The following ANKRD30B variants were observed in gnomAD, a reference collection of about 807,000 sequenced individuals.
ANKRD30B encodes ankyrin repeat domain 30B.
In ANKRD30B, 144 loss-of-function variants were observed where a neutral mutation model predicts 202.2. The ratio of observed to expected loss-of-function variants is 0.71; its 90% CI spans 0.62 to 0.82. The LOEUF is 0.82. Ranked by LOEUF, ANKRD30B falls within the 40% of genes least tolerant of loss-of-function variation. The probability of loss-of-function intolerance (pLI) is 0.00; values close to 1 mark genes in which losing one functional copy is unlikely to be tolerated. For synonymous variants in ANKRD30B, 508 were observed against 561.3 expected (o/e 0.91, Z 1.34); for missense variants, 1,487 against 1,669.1 (o/e 0.89, Z 1.90).
At chr18:14,859,719 C>A in the ANKRD30B span, among the ~76,000 whole-genome samples, 3 of 10,274 alleles carry the variant, frequency 2.9e-4, no homozygotes, top group Admixed American at 1.9e-3. Flanking sequence ...AGAGGAACTC[C>A]TCACCTCCCA....
chr18:14,888,558 G>A, the ANKRD30B span, among the ~76,000 whole-genome samples: 10 of 151,848 alleles, frequency 6.6e-5, no homozygotes, highest in East Asian at 1.9e-3. Flanking sequence ...AAACATAAAT[G>A]CACAAGTCCA....
At chr18:14,861,638 A>G in the ANKRD30B span, among the ~76,000 whole-genome samples, 2 of 150,732 alleles carry the variant, frequency 1.3e-5, no homozygotes, top group African/African-American at 4.9e-5. Context: ...ATATTACTAG[A>G]CCTAAGAAAA....
At chr18:14,767,302 G>T (rs558321370) in intron 7 of ANKRD30B, among the ~76,000 whole-genome samples, 1 of 152,232 alleles carries the variant, frequency 6.6e-6, no homozygotes, top group Admixed American at 6.5e-5. Context: ...CCCGGTGAAT[G>T]TCTGAAACTG....
chr18:14,755,536 C>T (rs572347312), intron 4 of ANKRD30B, among the ~76,000 whole-genome samples: 1 of 152,144 alleles, frequency 6.6e-6, no homozygotes, highest in South Asian at 2.1e-4. Flanking sequence ...TCTCCTAATG[C>T]TATCCCTCCC....
chr18:14,896,082 TGGAGG>T, the ANKRD30B span, among the ~76,000 whole-genome samples: 2 of 152,064 alleles, frequency 1.3e-5, no homozygotes, highest in Admixed American at 1.3e-4. Context: ...ATATTTATAA[TGGAGG>T]AACTGTGGGG....
intron 14 of ANKRD30B, among the ~76,000 whole-genome samples, chr18:14,784,787 A>G (rs1311125401): frequency 6.6e-6 from 1 of 152,076 alleles, no homozygotes; most frequent in African/African-American, 2.4e-5. Flanking sequence ...AATGTTTTCT[A>G]TTTTGAACTT....
chr18:14,748,257 A>G lies in ANKRD30B; in HGVS notation c.-163A>G, dbSNP rs1242638238. 59 of 556,532 alleles carry G rather than the reference A, an allele frequency of 1.1e-4. 1 individual carries two copies. The Middle Eastern group carries it at 2.8e-3, about 27-fold the overall frequency. 34.5% of individuals were successfully genotyped at this position (556,532 alleles called of 1,614,324 possible). A position where few individuals can be genotyped will look rare whatever the true frequency, so the allele number is the denominator to read the frequency against. Reference sequence around the variant, plus strand: ...GGAGTGTTCAAGAGCTTGGCGATACAGAAATTTCTGCTGGTGTTGGGGCGG... The same window carrying G: ...GGAGTGTTCAAGAGCTTGGCGATACGGAAATTTCTGCTGGTGTTGGGGCGG... On this transcript the variant is annotated 5_prime_UTR_variant, in exon 1 of 44. Coordinates refer to ENST00000690538, the MANE Select transcript of ANKRD30B (RefSeq NM_001367607.2).
Position 14,757,856 on chromosome 18 carries a change from T to G in ANKRD30B, c.659T>G (p.Ile220Arg), listed in dbSNP as rs758944365. 1.9e-6 allele frequency: 3 copies of G among 1,613,894 alleles called. No individual in the cohort carries two copies. The highest frequency in any genetic ancestry group is 1.1e-5 in the South Asian group (1 of 91,074). Reference protein sequence around the residue: ...MLAICEGSSEIVGMLLQQNVD... With the variant: ...MLAICEGSSERVGMLLQQNVD... ...GCCATATGTGAAGGCTCATCAGAGA[T>G]AGTCGGCATGCTTCTTCAGCAAAAT... The change falls in exon 5 of 44, where the codon ATA (isoleucine) becomes AGA (arginine). Residue 220 changes from isoleucine to arginine, a missense_variant. This residue lies in a region of ANKRD30B where 889 missense variants were observed against 841.4 expected (regional missense o/e 1.06). Transcript: ENST00000690538.
chr18:14,757,006 A>G (rs192482612), intron 4 of ANKRD30B, among the ~76,000 whole-genome samples: 1 of 152,344 alleles, frequency 6.6e-6, no homozygotes, highest in East Asian at 1.9e-4. Flanking sequence ...ATTTTAGGTT[A>G]TCCCTATGTG....
intron 10 of ANKRD30B, among the ~76,000 whole-genome samples, chr18:14,778,460 G>A (rs991258599): frequency 1.3e-5 from 2 of 152,154 alleles, no homozygotes; most frequent in African/African-American, 2.4e-5. Flanking sequence ...AGAATATAAG[G>A]TGACCTTTCT....
the ANKRD30B span, among the ~76,000 whole-genome samples, chr18:14,891,734 C>A: frequency 1.3e-5 from 2 of 152,184 alleles, no homozygotes; most frequent in Non-Finnish European, 2.9e-5. Flanking sequence ...TTCAACAGAT[C>A]TTCACTGAGA....
chr18:14,797,620 G>C, intron 18 of ANKRD30B, 41 bp from the exon 19 acceptor site: 1 of 1,578,884 alleles, frequency 6.3e-7, no homozygotes, highest in East Asian at 2.2e-5. Flanking sequence ...GGCTTTGTCA[G>C]GCTTGCATAT....
intron 5 of ANKRD30B, among the ~76,000 whole-genome samples, chr18:14,760,103 T>G (rs995220991): frequency 2.6e-5 from 4 of 152,174 alleles, no homozygotes; most frequent in African/African-American, 9.7e-5. Context: ...AAGAATAAAT[T>G]ATTTCATTGC....
At chr18:14,939,035 G>A in the ANKRD30B span, among the ~76,000 whole-genome samples, 8 of 152,174 alleles carry the variant, frequency 5.3e-5, no homozygotes, top group African/African-American at 1.2e-4. Flanking sequence ...ATGAAAACAC[G>A]TCTGCAGGAG....
intron 7 of ANKRD30B, among the ~76,000 whole-genome samples, chr18:14,764,451 G>A (rs1018389438): frequency 7.2e-5 from 11 of 151,930 alleles, no homozygotes; most frequent in Non-Finnish European, 1.3e-4. Context: ...GTGCAATGGC[G>A]CGAGCGATCT....
the ANKRD30B span, among the ~76,000 whole-genome samples, chr18:14,914,083 C>A: frequency 1.3e-5 from 2 of 152,142 alleles, no homozygotes; most frequent in African/African-American, 4.8e-5. Flanking sequence ...TCATAACTTC[C>A]CTGCTGTCAC....
chr18:14,825,081 C>T (rs1425253969), intron 32 of ANKRD30B: 3 of 152,098 alleles, frequency 2.0e-5, no homozygotes, highest in African/African-American at 4.8e-5. Context: ...AATTGTTGTC[C>T]CATGATGAAA....
At chr18:14,889,129 T>G in the ANKRD30B span, among the ~76,000 whole-genome samples, 1 of 151,470 alleles carries the variant, frequency 6.6e-6, no homozygotes, top group Admixed American at 6.6e-5. Flanking sequence ...CACAGCTAGT[T>G]ATGAAATATG....
chr18:14,906,617 C>A, the ANKRD30B span, among the ~76,000 whole-genome samples: 1,705 of 151,924 alleles, frequency 0.011, 117 homozygotes, highest in Admixed American at 0.1. Flanking sequence ...GTACCACTTT[C>A]TCTTTTTTTT....
Sources: allele counts gnomAD v4.1 joint callset (sites outside exome capture counted in the v4.1 genomes callset), GRCh38; gene constraint gnomAD v4.1.1; regional missense constraint gnomAD v4.1.1; transcripts MANE v1.5; gene names NCBI Gene and HGNC (gene_info 2026-07-23, HGNC 2026-07-21).